LMAN2L: variants seen among roughly 807,000 people sequenced by gnomAD.
LMAN2L encodes the protein lectin, mannose binding 2 like, also known as VIP36-like protein.
LMAN2L carries 30 observed loss-of-function variants against 44.3 expected under a neutral mutation model. That is an observed-to-expected ratio of 0.68 (90% CI 0.51 to 0.92). LMAN2L has a LOEUF of 0.92. Ranked by LOEUF, LMAN2L falls within the 40% of genes least tolerant of loss-of-function variation. LMAN2L has a pLI of 0.00. For missense variants in LMAN2L, 429 were observed against 446.1 expected (o/e 0.96, Z 0.35); for synonymous variants, 183 against 171.1 (o/e 1.07, Z -0.54).
chr2:96,719,708 G>C (rs1437288321), intron 4 of LMAN2L, among the ~76,000 whole-genome samples: 2 of 152,012 alleles, frequency 1.3e-5, no homozygotes, highest in African/African-American at 4.8e-5. Flanking sequence ...CAATTCTTCT[G>C]CCTCAGCCTC....
chr2:96,710,641 C>T (rs988128327), intron 6 of LMAN2L, among the ~76,000 whole-genome samples: 5 of 151,548 alleles, frequency 3.3e-5, no homozygotes, highest in Admixed American at 2.0e-4. Context: ...CCCAGCCTGG[C>T]GACAGAGCGA....
chr2:96,711,203 TG>T (rs1242588894), intron 6 of LMAN2L, among the ~76,000 whole-genome samples: 2 of 151,946 alleles, frequency 1.3e-5, no homozygotes, highest in Non-Finnish European at 2.9e-5. Context: ...GTTAAGGAGG[TG>T]GACAGCTAGG....
chr2:96,722,030 C>T (rs1214104720), intron 4 of LMAN2L, among the ~76,000 whole-genome samples: 2 of 151,872 alleles, frequency 1.3e-5, no homozygotes, highest in Non-Finnish European at 2.9e-5. Flanking sequence ...TCCAGTGGCG[C>T]GATCTTGGCT....
intron 4 of LMAN2L, among the ~76,000 whole-genome samples, chr2:96,729,346 T>C (rs945027903): frequency 2.0e-5 from 3 of 152,214 alleles, no homozygotes; most frequent in African/African-American, 2.4e-5. Flanking sequence ...ATATCGACTA[T>C]TACCTTGAAA....
At chr2:96,709,674 T>C (rs2077869230) in intron 6 of LMAN2L, among the ~76,000 whole-genome samples, 1 of 152,228 alleles carries the variant, frequency 6.6e-6, no homozygotes, top group African/African-American at 2.4e-5. Context: ...CCTCATGCAA[T>C]GCAGGGCATT....
At position 96,739,856 on chromosome 2, in the gene LMAN2L, T is replaced by C. The variant is rs139749550; in HGVS notation, c.185A>G (p.Gln62Arg). The change falls in exon 1 of 8, where the codon CAG (glutamine) becomes CGG (arginine). Residue 62 changes from glutamine (Q) to arginine (R), a missense_variant and splice_region_variant. Gln to Arg is a conservative substitution (Grantham distance 43, BLOSUM62 1). Transcript: ENST00000264963. Reference protein sequence around the residue: ...KREHSLSKPYQGVGTGSSSLW... With the variant: ...KREHSLSKPYRGVGTGSSSLW... The stretch of plus-strand genomic sequence containing the variant: ...CCACCTCACCCTGGGCGCCTCACCC[T>C]GGTAGGGCTTCGACAGCGAGTGCTC... 2.5e-6 allele frequency: 4 copies of C among 1,613,338 alleles called. No individual in the cohort carries two copies. In the African/African-American group the frequency reaches 5.3e-5, roughly 22 times the overall value.
chr2:96,725,700 C>T (rs529338328), intron 4 of LMAN2L, among the ~76,000 whole-genome samples: 1 of 152,160 alleles, frequency 6.6e-6, no homozygotes, highest in South Asian at 2.1e-4. Context: ...CCGCCTCAGC[C>T]TCCCAAAGTG....
chr2:96,721,000 C>T (rs1395758293), intron 4 of LMAN2L, among the ~76,000 whole-genome samples: 2 of 152,078 alleles, frequency 1.3e-5, no homozygotes, highest in African/African-American at 2.4e-5. Flanking sequence ...CCACACAATT[C>T]ACTTAAAGTA....
chr2:96,707,721 C>A lies in LMAN2L; in HGVS notation c.897G>T (p.Leu299=). The A allele has an allele frequency of 1.2e-6, 2 of 1,614,116 alleles. No individual in the cohort carries two copies. The highest frequency in any genetic ancestry group is 1.7e-6 in the Non-Finnish European group (2 of 1,179,998). ...VFLPSVDNMK[L]PEMTAPLPPL... The stretch of plus-strand genomic sequence containing the variant: ...GCGGGCCCCTGTGCTCACTCTCAGG[C>A]AGCTTCATATTGTCCACTGAGGGCA... Residue 299 remains leucine, a synonymous_variant, in exon 7 of 8, where the codon CTG becomes CTT. Transcript: ENST00000264963.
rs2077931592 is a variant in LMAN2L at position 96,711,949 on chromosome 2, G to C, written c.584C>G (p.Thr195Arg). 1 of 1,614,074 alleles carries C rather than the reference G, an allele frequency of 6.2e-7. No individual in the cohort carries two copies. The highest frequency in any genetic ancestry group is 1.7e-5 in the Admixed American group (1 of 60,004). The part of the protein sequence containing the change: ...SYDHERDGRP[T>R]ELGGCTAIVR... Reference sequence around the variant, plus strand: ...AATGGCTGTGCAGCCTCCCAGCTCTGTAGGCCGCCCATCCCGCTCATGATC... The same window carrying C: ...AATGGCTGTGCAGCCTCCCAGCTCTCTAGGCCGCCCATCCCGCTCATGATC... Residue 195 changes from threonine (T) to arginine (R), a missense_variant, in exon 5 of 8, where the codon ACA becomes AGA. Thr to Arg is a moderately conservative substitution (Grantham distance 71). Coordinates refer to ENST00000264963, the MANE Select transcript of LMAN2L (RefSeq NM_030805.4).
In LMAN2L at chr2:96,706,705, G is replaced by C. The variant is rs1409780954; in HGVS notation, c.*551C>G. 2 of 152,368 alleles carry C rather than the reference G, an allele frequency of 1.3e-5. No individual in the cohort carries two copies. Among genetic ancestry groups the C allele is most frequent in the Non-Finnish European group, 1.5e-5 (1 of 68,176 alleles). The allele number at this position is 152,368 out of a possible 1,614,324, so 9.4% of individuals were successfully genotyped here. ...GCATCCAAATGCCTTTCCCAGCTCA[G>C]GTTGCACACAGAGAGGACAATGAAT... On this transcript the variant is annotated 3_prime_UTR_variant, in exon 8 of 8. Transcript: ENST00000264963.
intron 4 of LMAN2L, among the ~76,000 whole-genome samples, chr2:96,712,906 G>A (rs923973259): frequency 3.9e-5 from 6 of 152,252 alleles, no homozygotes; most frequent in Non-Finnish European, 7.3e-5. Context: ...TAGTGAGGTG[G>A]TGAAGGGGTA....
chr2:96,724,314 G>C (rs946334900), intron 4 of LMAN2L, among the ~76,000 whole-genome samples: 3 of 152,072 alleles, frequency 2.0e-5, no homozygotes, highest in Admixed American at 6.6e-5. Context: ...TGAGTCCCTT[G>C]AATTTCCATA....
At chr2:96,734,383 A>C (rs796717305) in intron 3 of LMAN2L, 26 bp downstream of exon 3, 1 of 1,392,304 alleles carries the variant, frequency 7.2e-7, no homozygotes, top group African/African-American at 1.4e-5. Flanking sequence ...TCACACCCAC[A>C]CAAGAGTAAC....
intron 4 of LMAN2L, among the ~76,000 whole-genome samples, chr2:96,720,184 C>G (rs959649941): frequency 6.6e-6 from 1 of 152,162 alleles, no homozygotes; most frequent in Non-Finnish European, 1.5e-5. Context: ...AAAAACAACT[C>G]CCAAGCTCTT....
chr2:96,739,915 G>A lies in LMAN2L; in HGVS notation c.126C>T (p.Val42=), dbSNP rs755736418. 2 of 1,614,070 alleles carry A rather than the reference G, an allele frequency of 1.2e-6. No homozygotes were observed. Among genetic ancestry groups the A allele is most frequent in the East Asian group, 2.2e-5 (1 of 44,880 alleles). The change falls in exon 1 of 8, where the codon GTC becomes GTT. Residue 42 remains valine (V), a synonymous_variant. Coordinates refer to ENST00000264963, the MANE Select transcript of LMAN2L (RefSeq NM_030805.4). ...AGTACTCGAACGTTTGACCCGCCCC[G>A]ACTTGCTGTGGCCCCTGCCCAGACC... ...LLGSGQGPQQ[V]GAGQTFEYLK...
intron 2 of LMAN2L, among the ~76,000 whole-genome samples, chr2:96,735,403 T>C (rs980444182): frequency 6.6e-6 from 1 of 152,232 alleles, no homozygotes; most frequent in Non-Finnish European, 1.5e-5. Flanking sequence ...TTTCCAACAG[T>C]GTTCATATTA....
rs181786750 is a variant in LMAN2L at position 96,712,508 on chromosome 2, C to T, written c.508-483G>A. 5.0e-4 allele frequency among the ~76,000 whole-genome samples: 76 copies of T among 152,348 alleles called. No individual in the cohort carries two copies. The Middle Eastern group carries it at 0.02, about 41-fold the overall frequency. ...GCACACAGCGGGTATTCTGAAAATACCTGTTTGAGCAGGGGAATCTTTCCA... is the reference window on the plus strand; with the variant it reads ...GCACACAGCGGGTATTCTGAAAATATCTGTTTGAGCAGGGGAATCTTTCCA... On this transcript the variant is annotated intron_variant, in intron 4 of 7. Coordinates refer to ENST00000264963, the MANE Select transcript of LMAN2L (RefSeq NM_030805.4).
At chr2:96,733,932 C>A (rs575735805) in intron 3 of LMAN2L, among the ~76,000 whole-genome samples, 33 of 152,110 alleles carry the variant, frequency 2.2e-4, no homozygotes, top group Non-Finnish European at 3.8e-4. Context: ...AGACTATGCC[C>A]CCAAGAGAGA....
Sources: gnomAD v4.1 joint callset for allele counts (sites outside exome capture counted in the v4.1 genomes callset) on GRCh38, gnomAD v4.1.1 for gene constraint, MANE v1.5 for transcripts, NCBI Gene and HGNC (gene_info 2026-07-23, HGNC 2026-07-21) for gene names.